SMARCD1: variants seen among roughly 807,000 people sequenced by gnomAD.
SMARCD1 encodes the protein SWI/SNF related BAF chromatin remodeling complex subunit D1, also known as SWI/SNF-related matrix-associated actin-dependent regulator of chromatin subfamily D member 1.
In SMARCD1, 16 loss-of-function variants were observed where a neutral mutation model predicts 70.8. That is an observed-to-expected ratio of 0.23 (90% CI 0.15 to 0.34). The LOEUF (loss-of-function observed/expected upper bound fraction) is 0.34, where lower values mean the gene tolerates loss of function less well. Ranked by LOEUF, SMARCD1 falls within the 10% of genes least tolerant of loss-of-function variation. The pLI, the probability that SMARCD1 is intolerant of heterozygous loss-of-function variation, is 1.00. For missense variants in SMARCD1, 409 were observed against 655.5 expected, an observed-to-expected ratio of 0.62 and a Z score of 4.11; for synonymous variants, 249 against 246.0, an observed-to-expected ratio of 1.01 and a Z score of -0.11.
chr12:50,094,638 T>A, intron 10 of SMARCD1, 66 bp downstream of exon 10: 1 of 1,476,640 alleles, frequency 6.8e-7, no homozygotes, highest in Non-Finnish European at 9.3e-7. Context: ...GGCCTCCTTT[T>A]GATTCTTAGT....
chr12:50,089,347 A>T (rs1950820344), intron 6 of SMARCD1: 1 of 152,556 alleles, frequency 6.6e-6, no homozygotes. Flanking sequence ...TTGTAAATAT[A>T]TTTAATTTTA....
intron 1 of SMARCD1, 94 bp from the exon 2 acceptor site, chr12:50,086,067 T>G (rs1950786027): frequency 2.1e-6 from 2 of 975,386 alleles, no homozygotes; most frequent in Admixed American, 5.1e-5. Context: ...TAAACCTTAC[T>G]TCATTCAAAG....
In SMARCD1 at chr12:50,086,311, C is replaced by A; in HGVS notation, c.328C>A (p.Gln110Lys). The part of the protein sequence containing the change: ...RKRPAPQQIQ[Q>K]VQQQAVQNRN... Reference sequence around the variant, plus strand: ...GAGACCTGCCCCTCAGCAGATCCAGCAGGTCCAGCAGCAGGCGGTCCAAAA... The same window carrying A: ...GAGACCTGCCCCTCAGCAGATCCAGAAGGTCCAGCAGCAGGCGGTCCAAAA... The change falls in exon 2 of 13, where the codon CAG becomes AAG. Residue 110 changes from glutamine to lysine, a missense_variant. By Grantham distance (53) the Gln-to-Lys change is moderately conservative. Around this residue, in one of 2 missense-constraint regions of SMARCD1, gnomAD observed 140 missense variants for 156.9 expected, o/e 0.89. Transcript: ENST00000394963. 6.2e-7 allele frequency: 1 copy of A among 1,607,466 alleles called. No homozygotes were observed. The highest frequency in any genetic ancestry group is 8.5e-7 in the Non-Finnish European group (1 of 1,176,640).
chr12:50,086,518 C>T (rs1317006723), intron 2 of SMARCD1, 103 bp from the exon 3 acceptor site: 7 of 867,682 alleles, frequency 8.1e-6, no homozygotes, highest in Non-Finnish European at 1.1e-5. Context: ...TTGAGAGAAG[C>T]TTTGCAGTCC....
intron 9 of SMARCD1, among the ~76,000 whole-genome samples, chr12:50,090,844 A>C (rs1173923048): frequency 1.7e-4 from 1 of 5,946 alleles, no homozygotes; most frequent in African/African-American, 4.1e-4. Context: ...TTTTTTTTGG[A>C]GACAGAGTCT....
Position 50,096,913 on chromosome 12 carries a change from G to T in SMARCD1, c.1333G>T (p.Ala445Ser). The T allele has an allele frequency of 1.2e-6, 2 of 1,614,086 alleles. No individual in the cohort carries two copies. The highest frequency in any genetic ancestry group is 1.7e-6 in the Non-Finnish European group (2 of 1,179,932). ...TCAGCGGGAGTTCATGCTGAGCTTT[G>T]CCAGAGACCCTCAGGGTTTCATCAA... ...KTQREFMLSF[A>S]RDPQGFINDW... Residue 445 changes from alanine to serine, a missense_variant, in exon 11 of 13, where the codon GCC becomes TCC. This residue lies in a region of SMARCD1 where 269 missense variants were observed against 498.6 expected (regional missense o/e 0.54). Coordinates refer to ENST00000394963, the MANE Select transcript of SMARCD1 (RefSeq NM_003076.5).
intron 5 of SMARCD1, 114 bp from the exon 6 acceptor site, chr12:50,088,406 GA>G: frequency 1.4e-6 from 1 of 702,954 alleles, no homozygotes; most frequent in South Asian, 1.6e-5. Context: ...GAGATATTCA[GA>G]AGATATTTTT....
intron 9 of SMARCD1, among the ~76,000 whole-genome samples, chr12:50,094,167 A>C (rs1008338701): frequency 6.6e-5 from 10 of 152,192 alleles, no homozygotes; most frequent in Non-Finnish European, 1.2e-4. Flanking sequence ...AATTTTTACC[A>C]TTGACTTTTT....
chr12:50,097,611 G>A (rs1475976761), intron 11 of SMARCD1, among the ~76,000 whole-genome samples: 1 of 151,600 alleles, frequency 6.6e-6, no homozygotes. Flanking sequence ...ACATTATCAG[G>A]CCAGGTGCGG....
intron 8 of SMARCD1, 44 bp downstream of exon 8, chr12:50,090,446 T>C: frequency 2.5e-6 from 4 of 1,612,954 alleles, no homozygotes; most frequent in African/African-American, 1.3e-5. Context: ...ATTAGAACAC[T>C]AGTTATGCTC....
chr12:50,086,964 G>A lies in SMARCD1; in HGVS notation c.531+86G>A, dbSNP rs535223071. On this transcript the variant is annotated intron_variant, in intron 4 of 12. Transcript: ENST00000394963. ...ATTAGGATGAGAAATCAAAGGCACA[G>A]CACAACTCTCCTTGGCATTTAAATT... 1.0e-3 allele frequency: 1,406 copies of A among 1,348,778 alleles called. 2 individuals are homozygous for A. Among genetic ancestry groups the A allele is most frequent in the Non-Finnish European group, 1.3e-3 (1,278 of 962,028 alleles). 83.6% of individuals were successfully genotyped at this position (1,348,778 alleles called of 1,614,324 possible).
chr12:50,085,887 A>T, intron 1 of SMARCD1: 1 of 392,654 alleles, frequency 2.5e-6, no homozygotes, highest in African/African-American at 2.1e-5. Context: ...TTCTAAAGAG[A>T]TAGTAGCTAG....
intron 9 of SMARCD1, among the ~76,000 whole-genome samples, chr12:50,093,510 G>C (rs562183189): frequency 6.6e-6 from 1 of 151,956 alleles, no homozygotes; most frequent in Non-Finnish European, 1.5e-5. Flanking sequence ...TTGAGACAGA[G>C]TCTCTCTCTG....
At chr12:50,088,795 G>T in intron 6 of SMARCD1, 158 bp downstream of exon 6, 1 of 427,146 alleles carries the variant, frequency 2.3e-6, no homozygotes, top group Non-Finnish European at 4.2e-6. Context: ...ACCTCTAGGT[G>T]GCACTAGCAT....
At chr12:50,090,734 CTT>C (rs1298280702) in intron 9 of SMARCD1, 144 bp downstream of exon 9, 15 of 525,516 alleles carry the variant, frequency 2.9e-5, no homozygotes, top group East Asian at 1.3e-4. Flanking sequence ...ATTACATAAA[CTT>C]ATAATTAAAT....
chr12:50,091,189 G>A (rs555093182), intron 9 of SMARCD1, among the ~76,000 whole-genome samples: 111 of 151,720 alleles, frequency 7.3e-4, no homozygotes, highest in African/African-American at 2.6e-3. Context: ...TCCATCTGGC[G>A]GAAATATGAT....
At chr12:50,088,219 C>T in intron 5 of SMARCD1, 1 of 697,236 alleles carries the variant, frequency 1.4e-6, no homozygotes, top group Non-Finnish European at 2.6e-6. Context: ...AGACTTTTCT[C>T]TGTTCAAACT....
At position 50,100,671 on chromosome 12, in the gene SMARCD1, A is replaced by C. The variant is rs1312574863; in HGVS notation, c.*1671A>C. 2 of 152,568 alleles carry C rather than the reference A, an allele frequency of 1.3e-5. No homozygotes were observed. The highest frequency in any genetic ancestry group is 2.4e-5 in the African/African-American group (1 of 41,424). The allele number at this position is 152,568 out of a possible 1,614,324, so 9.5% of individuals were successfully genotyped here. Reference sequence around the variant, plus strand: ...TGGGTCCTCCTACCTACTGTGAGAGAGCTCTTCCCTGAGCTCTTCTTCCTT... The same window carrying C: ...TGGGTCCTCCTACCTACTGTGAGAGCGCTCTTCCCTGAGCTCTTCTTCCTT... On this transcript the variant is annotated 3_prime_UTR_variant, in exon 13 of 13. Coordinates refer to ENST00000394963, the MANE Select transcript of SMARCD1 (RefSeq NM_003076.5).
chr12:50,086,078 A>T (rs998378634), intron 1 of SMARCD1, 83 bp from the exon 2 acceptor site: 1 of 1,082,834 alleles, frequency 9.2e-7, no homozygotes, highest in Admixed American at 2.5e-5. Context: ...TCATTCAAAG[A>T]TCTCAGGCGT....
Sources: allele counts gnomAD v4.1 joint callset (sites outside exome capture counted in the v4.1 genomes callset), GRCh38; gene constraint gnomAD v4.1.1; regional missense constraint gnomAD v4.1.1; transcripts MANE v1.5; gene names NCBI Gene and HGNC (gene_info 2026-07-23, HGNC 2026-07-21).